KPNA5: variants seen among roughly 807,000 people sequenced by gnomAD.
KPNA5 encodes the protein karyopherin subunit alpha 5, also known as importin subunit alpha-6.
A neutral mutation model predicts 71.3 loss-of-function variants in KPNA5; 46 were observed. The ratio of observed to expected loss-of-function variants is 0.65; its 90% CI spans 0.51 to 0.83. The LOEUF (loss-of-function observed/expected upper bound fraction) is 0.83. Ranked by LOEUF, KPNA5 falls within the 40% of genes least tolerant of loss-of-function variation. The probability of loss-of-function intolerance (pLI) is 0.00; values close to 1 mark genes in which losing one functional copy is unlikely to be tolerated. For missense variants in KPNA5, 547 were observed against 628.3 expected, an observed-to-expected ratio of 0.87 and a Z score of 1.38; for synonymous variants, 207 against 201.4, an observed-to-expected ratio of 1.03 and a Z score of -0.24.
rs1721446531 is a variant in KPNA5 at position 116,729,627 on chromosome 6, A to G, written c.1318A>G (p.Ile440Val). The G allele has an allele frequency of 1.2e-6, 2 of 1,609,868 alleles. No individual in the cohort carries two copies. The highest frequency in any genetic ancestry group is 8.5e-7 in the Non-Finnish European group (1 of 1,177,784). The change falls in exon 13 of 14, where the codon ATA becomes GTA. Residue 440 changes from isoleucine (I) to valine (V), a missense_variant. Transcript: ENST00000368564. ...CDLLTVMDSK[I>V]VQVALNGLEN... is the part of the protein sequence containing the mutation. ...TCTTTTGACTGTTATGGACTCCAAA[A>G]TAGTCCAAGTGGCTTTAAATGGACT...
Position 116,725,806 on chromosome 6 carries a change from A to G in KPNA5, c.1055A>G (p.Lys352Arg). 6.2e-7 allele frequency: 1 copy of G among 1,613,354 alleles called. No homozygotes were observed. Among genetic ancestry groups the G allele is most frequent in the Non-Finnish European group, 8.5e-7 (1 of 1,179,588 alleles). Residue 352 changes from lysine to arginine, a missense_variant, in exon 11 of 14, where the codon AAG (lysine) becomes AGG (arginine). Coordinates refer to ENST00000368564, the MANE Select transcript of KPNA5 (RefSeq NM_001366306.2). The stretch of plus-strand genomic sequence containing the variant: ...CTCTTACATTTATTGAGTAGCCCAA[A>G]GGAGTCAATTAGAAAAGAAGCCTGC... ...PCLLHLLSSP[K>R]ESIRKEACWT...
Position 116,692,183 on chromosome 6 carries a change from A to G in KPNA5, c.240+27A>G, listed in dbSNP as rs750538790. On this transcript the variant is annotated intron_variant, in intron 3 of 13. Transcript: ENST00000368564. ...TATACTTTACCAAAATATGTTTCAAATTATACCTCAATAATTTTAGCAATA... is the reference window on the plus strand; with the variant it reads ...TATACTTTACCAAAATATGTTTCAAGTTATACCTCAATAATTTTAGCAATA... 7 of 1,504,286 alleles carry G rather than the reference A, an allele frequency of 4.7e-6. No homozygotes were observed. The Admixed American group carries it at 1.3e-4, about 27-fold the overall frequency. 93.2% of individuals were successfully genotyped at this position (1,504,286 alleles called of 1,614,324 possible).
In KPNA5 at chr6:116,681,233, G is replaced by T; in HGVS notation, c.-102G>T. 6.6e-7 allele frequency: 1 copy of T among 1,521,894 alleles called. No individual in the cohort carries two copies. Among genetic ancestry groups the T allele is most frequent in the Non-Finnish European group, 9.0e-7 (1 of 1,107,402 alleles). The allele number at this position is 1,521,894 out of a possible 1,614,324, so 94.3% of individuals were successfully genotyped here. A position where few individuals can be genotyped will look rare whatever the true frequency, so the allele number is the denominator to read the frequency against. On this transcript the variant is annotated 5_prime_UTR_variant, in exon 1 of 14. Coordinates refer to ENST00000368564, the MANE Select transcript of KPNA5 (RefSeq NM_001366306.2). ...GCCATCTTGGATTGCGAACTGGGTC[G>T]CTACGCTTCACGCCAGGGGCGGAGT...
rs1779706432 is a variant in KPNA5, at chr6:116,737,262, T to C, written c.*4939T>C. ...TATGAATTACAAGGGATTTTCACTT[T>C]GGCTAGTGGAACTTAAACTGTTCCT... On this transcript the variant is annotated 3_prime_UTR_variant, in exon 14 of 14. Transcript: ENST00000368564. The C allele has an allele frequency of 6.6e-6, 1 of 151,994 alleles. No individual in the cohort carries two copies. 9.4% of individuals were successfully genotyped at this position (151,994 alleles called of 1,614,324 possible). A position where few individuals can be genotyped will look rare whatever the true frequency, so the allele number is the denominator to read the frequency against.
intron 8 of KPNA5, among the ~76,000 whole-genome samples, chr6:116,718,233 ATG>A (rs989531018): frequency 1.4e-5 from 2 of 143,218 alleles, no homozygotes; most frequent in African/African-American, 5.2e-5. Context: ...AACATAATAT[ATG>A]TGTTTTTCTA....
At chr6:116,695,661 A>G (rs994818911) in intron 4 of KPNA5, among the ~76,000 whole-genome samples, 1 of 152,040 alleles carries the variant, frequency 6.6e-6, no homozygotes, top group African/African-American at 2.4e-5. Context: ...TTTAACTTTC[A>G]TTTTCTGTTC....
intron 7 of KPNA5, among the ~76,000 whole-genome samples, chr6:116,707,949 T>C: frequency 6.6e-6 from 1 of 152,250 alleles, no homozygotes; most frequent in Non-Finnish European, 1.5e-5. Flanking sequence ...CCTTGGAAAC[T>C]ACAAATCTGT....
intron 8 of KPNA5, among the ~76,000 whole-genome samples, chr6:116,719,421 T>G (rs192130128): frequency 6.6e-6 from 1 of 152,212 alleles, no homozygotes; most frequent in Non-Finnish European, 1.5e-5. Flanking sequence ...AAAACCATAT[T>G]TTCTTAGAGG....
chr6:116,712,295 T>G (rs2114453198), intron 7 of KPNA5, among the ~76,000 whole-genome samples: 1 of 152,354 alleles, frequency 6.6e-6, no homozygotes, highest in Admixed American at 6.5e-5. Context: ...GATGTTCTTC[T>G]TTGTCTCTGA....
At chr6:116,717,437 T>A (rs1307830857) in intron 8 of KPNA5, among the ~76,000 whole-genome samples, 1 of 152,176 alleles carries the variant, frequency 6.6e-6, no homozygotes, top group Non-Finnish European at 1.5e-5. Flanking sequence ...TGAGCTCTAC[T>A]GTTACCACTA....
chr6:116,687,745 T>C (rs73765832), intron 1 of KPNA5, among the ~76,000 whole-genome samples: 5,084 of 152,258 alleles, frequency 0.033, 246 homozygotes, highest in African/African-American at 0.11. Flanking sequence ...TTACATTCAT[T>C]TGGCCTCTAA....
At chr6:116,699,911 T>C (rs1279519230) in intron 5 of KPNA5, among the ~76,000 whole-genome samples, 2 of 152,216 alleles carry the variant, frequency 1.3e-5, no homozygotes, top group East Asian at 3.9e-4. Flanking sequence ...TTGTCCTGTC[T>C]AGAGAAATTC....
At chr6:116,720,797 G>C (rs1351349884) in intron 8 of KPNA5, among the ~76,000 whole-genome samples, 2 of 152,166 alleles carry the variant, frequency 1.3e-5, no homozygotes, top group Non-Finnish European at 2.9e-5. Context: ...TCCAGCCTGG[G>C]CAACAGAGTG....
chr6:116,708,537 A>G (rs891270709), intron 7 of KPNA5, among the ~76,000 whole-genome samples: 2 of 152,196 alleles, frequency 1.3e-5, no homozygotes, highest in African/African-American at 2.4e-5. Flanking sequence ...CAGTATTGCC[A>G]TCTTAATAAT....
At chr6:116,688,612 T>C (rs1583401463) in intron 1 of KPNA5, among the ~76,000 whole-genome samples, 1 of 152,338 alleles carries the variant, frequency 6.6e-6, no homozygotes, top group East Asian at 1.9e-4. Context: ...ATATGAAATA[T>C]ATTTGCATAT....
Position 116,739,397 on chromosome 6 carries a change from C to G in KPNA5, c.*7074C>G, listed in dbSNP as rs1374230222. On this transcript the variant is annotated 3_prime_UTR_variant, in exon 14 of 14. Transcript: ENST00000368564. ...TTCCATGCTCATGGGTAGGAAGAAT[C>G]AATATCGTGAAAATGGCCATACTGC... 1 of 152,038 alleles carries G rather than the reference C, an allele frequency of 6.6e-6. No homozygotes were observed. Among genetic ancestry groups the G allele is most frequent in the Non-Finnish European group, 1.5e-5 (1 of 68,000 alleles). 9.4% of individuals were successfully genotyped at this position (152,038 alleles called of 1,614,324 possible). A position where few individuals can be genotyped will look rare whatever the true frequency, so the allele number is the denominator to read the frequency against.
At chr6:116,729,872 T>TTTTTAATA (rs1554258318) in intron 13 of KPNA5, 131 bp downstream of exon 13, 1 of 478,210 alleles carries the variant, frequency 2.1e-6, no homozygotes, top group Non-Finnish European at 3.6e-6. Flanking sequence ...ATGTCACCCG[T>TTTTTAATA]AATTTTATTA....
At position 116,681,285 on chromosome 6, in the gene KPNA5, A is replaced by T. The variant is rs963178995; in HGVS notation, c.-50A>T. On this transcript the variant is annotated 5_prime_UTR_variant, in exon 1 of 14. Coordinates refer to ENST00000368564, the MANE Select transcript of KPNA5 (RefSeq NM_001366306.2). ...GCGGCCCTTCTGTTACCCGCCACAC[A>T]CGTCGCCGCTGGGGACTGGGAAATC... 3 of 1,609,230 alleles carry T rather than the reference A, an allele frequency of 1.9e-6. No homozygotes were observed. The highest frequency in any genetic ancestry group is 1.1e-5 in the South Asian group (1 of 90,860).
intron 1 of KPNA5, among the ~76,000 whole-genome samples, chr6:116,684,113 A>AT (rs1368869412): frequency 6.6e-6 from 1 of 151,578 alleles, no homozygotes; most frequent in African/African-American, 2.4e-5. Context: ...GGGTTTCACT[A>AT]TATTGGCCAG....
Sources: allele counts gnomAD v4.1 joint callset (sites outside exome capture counted in the v4.1 genomes callset), GRCh38; gene constraint gnomAD v4.1.1; transcripts MANE v1.5; gene names NCBI Gene and HGNC (gene_info 2026-07-23, HGNC 2026-07-21).